CYP7B1: variants seen among roughly 807,000 people sequenced by gnomAD.
CYP7B1 encodes the protein cytochrome P450 7B1.
A neutral mutation model predicts 42.7 loss-of-function variants in CYP7B1; 29 were observed. The ratio of observed to expected loss-of-function variants is 0.68; its 90% CI spans 0.51 to 0.93. The LOEUF is 0.93. Ranked by LOEUF, CYP7B1 falls within the 40% of genes least tolerant of loss-of-function variation. The probability of loss-of-function intolerance (pLI) is 0.00; values close to 1 mark genes in which losing one functional copy is unlikely to be tolerated. For missense variants in CYP7B1, 655 were observed against 600.5 expected, an observed-to-expected ratio of 1.09 and a Z score of -0.95; for synonymous variants, 235 against 218.2, an observed-to-expected ratio of 1.08 and a Z score of -0.68.
At chr8:64,713,887 A>G (rs1807116948) in intron 1 of CYP7B1, among the ~76,000 whole-genome samples, 1 of 152,186 alleles carries the variant, frequency 6.6e-6, no homozygotes, top group African/African-American at 2.4e-5. Context: ...TGCATTTTAA[A>G]TATATTAAGA....
At chr8:64,678,071 C>T (rs1055927522) in intron 1 of CYP7B1, among the ~76,000 whole-genome samples, 9 of 152,240 alleles carry the variant, frequency 5.9e-5, no homozygotes, top group East Asian at 3.9e-4. Context: ...TCTGCCTAAA[C>T]GGGCTGTCCT....
intron 1 of CYP7B1, among the ~76,000 whole-genome samples, chr8:64,716,047 T>A (rs1807149868): frequency 6.6e-6 from 1 of 152,262 alleles, no homozygotes; most frequent in Non-Finnish European, 1.5e-5. Context: ...ACATAAAACA[T>A]GCATTTTAAA....
At chr8:64,619,681 A>G (rs901936050) in intron 2 of CYP7B1, among the ~76,000 whole-genome samples, 6 of 152,110 alleles carry the variant, frequency 3.9e-5, no homozygotes, top group African/African-American at 1.4e-4. Flanking sequence ...AGACTTTACC[A>G]CCTCAGTAGC....
chr8:64,771,088 G>GTTTTTTTTTTTTTT (rs1804217256), intron 1 of CYP7B1, among the ~76,000 whole-genome samples: 1 of 64,056 alleles, frequency 1.6e-5, no homozygotes, highest in African/African-American at 7.5e-5. Context: ...TTTAGACAGG[G>GTTTTTTTTTTTTTT]TCTTGCTCTG....
Position 64,593,939 on chromosome 8 carries a change from A to C in CYP7B1, c.*2703T>G, listed in dbSNP as rs930218253. Among the ~76,000 whole-genome samples the C allele has an allele frequency of 6.6e-6, 1 of 152,242 alleles. No homozygotes were observed. Among genetic ancestry groups the C allele is most frequent in the Non-Finnish European group, 1.5e-5 (1 of 68,038 alleles). Reference sequence around the variant, plus strand: ...TGTAATGATTGAACTTAGCAAACTCAGTGGAATGGAAAACCTGAAGGTTAA... The same window carrying C: ...TGTAATGATTGAACTTAGCAAACTCCGTGGAATGGAAAACCTGAAGGTTAA... On this transcript the variant is annotated 3_prime_UTR_variant, in exon 6 of 6. Transcript: ENST00000310193.
intron 1 of CYP7B1, among the ~76,000 whole-genome samples, chr8:64,694,018 T>C (rs1806787921): frequency 6.6e-6 from 1 of 152,206 alleles, no homozygotes; most frequent in Non-Finnish European, 1.5e-5. Flanking sequence ...CGTTGAGGCT[T>C]GGAAGACAAA....
chr8:64,755,260 A>G (rs573792183), intron 1 of CYP7B1, among the ~76,000 whole-genome samples: 1 of 152,264 alleles, frequency 6.6e-6, no homozygotes, highest in East Asian at 1.9e-4. Context: ...ATTCCATGTA[A>G]GTGCTTCATA....
intron 1 of CYP7B1, chr8:64,703,812 A>G (rs1403411355): frequency 2.6e-5 from 4 of 152,062 alleles, no homozygotes; most frequent in African/African-American, 7.2e-5. Flanking sequence ...TGATTGTCCA[A>G]TGTCACATTT....
chr8:64,619,587 G>A (rs768140461), intron 2 of CYP7B1, among the ~76,000 whole-genome samples: 1 of 152,078 alleles, frequency 6.6e-6, no homozygotes, highest in African/African-American at 2.4e-5. Flanking sequence ...TATCTTCCTT[G>A]CCAATCATTT....
At chr8:64,714,546 A>C (rs1807125761) in intron 1 of CYP7B1, among the ~76,000 whole-genome samples, 1 of 152,216 alleles carries the variant, frequency 6.6e-6, no homozygotes, top group Admixed American at 6.5e-5. Context: ...AGTTGCAATC[A>C]GAGGGTTCTT....
intron 1 of CYP7B1, among the ~76,000 whole-genome samples, chr8:64,686,085 C>G (rs1377815344): frequency 4.0e-5 from 5 of 124,880 alleles, no homozygotes; most frequent in Admixed American, 7.5e-5. Context: ...GCCAGCCGCC[C>G]CGTCCGGGAG....
intron 1 of CYP7B1, among the ~76,000 whole-genome samples, chr8:64,700,789 T>G (rs1016285247): frequency 6.6e-6 from 1 of 152,240 alleles, no homozygotes; most frequent in African/African-American, 2.4e-5. Context: ...TAATACATAA[T>G]CATACCAGAA....
chr8:64,633,876 A>C (rs910294479), intron 1 of CYP7B1, among the ~76,000 whole-genome samples: 1 of 152,236 alleles, frequency 6.6e-6, no homozygotes, highest in Non-Finnish European at 1.5e-5. Flanking sequence ...AAGAAACAAG[A>C]GAGTGTGGTA....
chr8:64,682,458 T>G (rs1439041624), intron 1 of CYP7B1, among the ~76,000 whole-genome samples: 1 of 152,228 alleles, frequency 6.6e-6, no homozygotes, highest in Non-Finnish European at 1.5e-5. Context: ...TCTGATCAGA[T>G]ATTTCCTCCA....
chr8:64,607,655 C>G (rs1483438177), intron 4 of CYP7B1, among the ~76,000 whole-genome samples: 1 of 152,140 alleles, frequency 6.6e-6, no homozygotes, highest in East Asian at 1.9e-4. Context: ...GGTAGCCAAA[C>G]AGCAAGCTGT....
At chr8:64,648,005 T>C (rs1805980063) in intron 1 of CYP7B1, among the ~76,000 whole-genome samples, 1 of 152,194 alleles carries the variant, frequency 6.6e-6, no homozygotes, top group East Asian at 1.9e-4. Flanking sequence ...CATTAATCAA[T>C]GGATTAATCA....
chr8:64,675,541 C>T (rs1405474942), intron 1 of CYP7B1, among the ~76,000 whole-genome samples: 3 of 150,952 alleles, frequency 2.0e-5, no homozygotes, highest in Non-Finnish European at 4.4e-5. Flanking sequence ...AATGTCTATA[C>T]ATTGAAATTT....
intron 2 of CYP7B1, among the ~76,000 whole-genome samples, chr8:64,623,868 A>C (rs1257364562): frequency 6.6e-6 from 1 of 152,114 alleles, no homozygotes; most frequent in Non-Finnish European, 1.5e-5. Flanking sequence ...CATTTGTGAA[A>C]ACCCAACGAA....
chr8:64,656,874 A>C (rs1336425402), intron 1 of CYP7B1, among the ~76,000 whole-genome samples: 2 of 152,184 alleles, frequency 1.3e-5, no homozygotes, highest in African/African-American at 4.8e-5. Flanking sequence ...CCATAAACAC[A>C]TTACAATTTA....
Sources: allele counts gnomAD v4.1 joint callset (sites outside exome capture counted in the v4.1 genomes callset), GRCh38; gene constraint gnomAD v4.1.1; transcripts MANE v1.5; gene names NCBI Gene and HGNC (gene_info 2026-07-23, HGNC 2026-07-21).